Variants in SLC24A3 observed in about 807,000 individuals in gnomAD.
The protein encoded by SLC24A3 is solute carrier family 24 member 3, also known as sodium/potassium/calcium exchanger 3.
In SLC24A3, 28 loss-of-function variants were observed where a neutral mutation model predicts 75.8. That is an observed-to-expected ratio of 0.37 (90% confidence interval 0.27 to 0.51). The LOEUF (loss-of-function observed/expected upper bound fraction) is 0.51, where lower values mean the gene tolerates loss of function less well. Ranked by LOEUF, SLC24A3 falls within the 20% of genes least tolerant of loss-of-function variation. The probability of loss-of-function intolerance (pLI) is 0.94; values close to 1 mark genes in which losing one functional copy is unlikely to be tolerated. For missense variants in SLC24A3, 663 were observed against 847.8 expected, an observed-to-expected ratio of 0.78 and a Z score of 2.71; for synonymous variants, 372 against 334.1, an observed-to-expected ratio of 1.11 and a Z score of -1.24.
At chr20:19,469,325 G>T (rs1369621298) in intron 2 of SLC24A3, among the ~76,000 whole-genome samples, 1 of 152,162 alleles carries the variant, frequency 6.6e-6, no homozygotes, top group African/African-American at 2.4e-5. Context: ...CAGCAGTGGG[G>T]AGCTTTGATG....
chr20:19,323,919 CA>C (rs1413560109), intron 2 of SLC24A3, among the ~76,000 whole-genome samples: 2 of 152,096 alleles, frequency 1.3e-5, no homozygotes, highest in Non-Finnish European at 2.9e-5. Context: ...ATTAGCATTT[CA>C]AAAAAGTCTG....
At position 19,547,711 on chromosome 20, in the gene SLC24A3, T is replaced by G. The variant is rs139988679; in HGVS notation, c.348+32147T>G. Among the ~76,000 whole-genome samples, 246 of 152,264 alleles carry G rather than the reference T, an allele frequency of 1.6e-3. 5 individuals carry two copies. The East Asian group carries it at 0.042, about 26-fold the overall frequency. ...CCAAAAAAAACTGCCTCTCCCACCC[T>G]CCCCTTGCCCTGAGCCCAGCTCAGA... is the stretch of plus-strand genomic sequence containing the variant. On this transcript the variant is annotated intron_variant, in intron 3 of 16. Coordinates refer to ENST00000328041, the MANE Select transcript of SLC24A3 (RefSeq NM_020689.4).
chr20:19,505,606 C>T (rs1378923785), intron 2 of SLC24A3, among the ~76,000 whole-genome samples: 10 of 152,152 alleles, frequency 6.6e-5, no homozygotes, highest in Non-Finnish European at 1.5e-4. Flanking sequence ...ATGTTACCAC[C>T]GTGAGCAACC....
In SLC24A3 at chr20:19,261,476, A is replaced by T. The variant is rs140973813; in HGVS notation, c.143-19483A>T. On this transcript the variant is annotated intron_variant, in intron 1 of 16. Transcript: ENST00000328041. ...CACCTCAGCCTCATGAGTAGCTGGG[A>T]CTACAGGTGTGCATCACCACATTCA... 2.3e-3 allele frequency among the ~76,000 whole-genome samples: 342 copies of T among 151,908 alleles called. 2 individuals carry two copies. Among genetic ancestry groups the T allele is most frequent in the African/African-American group, 8.1e-3 (337 of 41,408 alleles).
intron 6 of SLC24A3, among the ~76,000 whole-genome samples, chr20:19,652,096 CT>C (rs1331966733): frequency 6.6e-6 from 1 of 152,134 alleles, no homozygotes; most frequent in Non-Finnish European, 1.5e-5. Flanking sequence ...TCAGGCCTAT[CT>C]TTATTCTAAC....
intron 2 of SLC24A3, among the ~76,000 whole-genome samples, chr20:19,454,291 A>G (rs1011948243): frequency 2.0e-5 from 3 of 152,240 alleles, no homozygotes; most frequent in African/African-American, 4.8e-5. Flanking sequence ...CCTCTGATCC[A>G]TAATAGATTT....
chr20:19,514,884 G>T (rs970206228), intron 2 of SLC24A3, among the ~76,000 whole-genome samples: 1 of 152,164 alleles, frequency 6.6e-6, no homozygotes, highest in African/African-American at 2.4e-5. Context: ...GGAGGGGGTT[G>T]TTCTAATAGC....
At chr20:19,290,505 A>G (rs943828230) in intron 2 of SLC24A3, among the ~76,000 whole-genome samples, 2 of 152,070 alleles carry the variant, frequency 1.3e-5, no homozygotes, top group African/African-American at 4.8e-5. Context: ...CACCCCTTCC[A>G]CCTTGTGAGG....
chr20:19,542,996 TTACATTAAGG>T (rs2030527762), intron 3 of SLC24A3, among the ~76,000 whole-genome samples: 1 of 152,178 alleles, frequency 6.6e-6, no homozygotes, highest in East Asian at 1.9e-4. Flanking sequence ...AAAGAAAGGG[TTACATTAAGG>T]TATGTGTTTA....
chr20:19,523,877 C>T (rs1190489989), intron 3 of SLC24A3, among the ~76,000 whole-genome samples: 1 of 152,074 alleles, frequency 6.6e-6, no homozygotes, highest in East Asian at 1.9e-4. Context: ...GCATGCCCAC[C>T]CAACTTTAAA....
At chr20:19,622,053 G>C (rs1234859008) in intron 6 of SLC24A3, among the ~76,000 whole-genome samples, 1 of 152,170 alleles carries the variant, frequency 6.6e-6, no homozygotes, top group Admixed American at 6.5e-5. Flanking sequence ...GGGAGTTTTT[G>C]TGCACTTGCA....
chr20:19,278,152 A>G (rs575217936), intron 1 of SLC24A3, among the ~76,000 whole-genome samples: 2 of 152,330 alleles, frequency 1.3e-5, no homozygotes, highest in South Asian at 2.1e-4. Flanking sequence ...CAGATTAGAA[A>G]TGCTGGGGGA....
intron 1 of SLC24A3, among the ~76,000 whole-genome samples, chr20:19,247,639 A>G (rs1442164606): frequency 6.6e-6 from 1 of 152,204 alleles, no homozygotes; most frequent in Admixed American, 6.5e-5. Context: ...TGCCTTAGGT[A>G]TAAATGCTCA....
At chr20:19,469,717 G>T (rs889394642) in intron 2 of SLC24A3, among the ~76,000 whole-genome samples, 1 of 152,146 alleles carries the variant, frequency 6.6e-6, no homozygotes, top group Admixed American at 6.5e-5. Context: ...ATCCATTCTC[G>T]TGCTAGTCTT....
At chr20:19,633,688 GATTA>G (rs1382575283) in intron 6 of SLC24A3, among the ~76,000 whole-genome samples, 2 of 150,850 alleles carry the variant, frequency 1.3e-5, no homozygotes, top group East Asian at 3.9e-4. Context: ...AGTAGTATTG[GATTA>G]GGGTCCACCT....
At chr20:19,623,862 C>G (rs1298778334) in intron 6 of SLC24A3, among the ~76,000 whole-genome samples, 1 of 152,132 alleles carries the variant, frequency 6.6e-6, no homozygotes, top group African/African-American at 2.4e-5. Context: ...AGTATGATAC[C>G]AGGTGGACTA....
chr20:19,357,866 G>C lies in SLC24A3; in HGVS notation c.271+76779G>C, dbSNP rs370607887. On this transcript the variant is annotated intron_variant, in intron 2 of 16. Transcript: ENST00000328041. The stretch of plus-strand genomic sequence containing the variant: ...CTGCTAGAGCACACTGGACTGGGAG[G>C]GGGTGTTGGCTCTTTCAAACCTTAA... Among the ~76,000 whole-genome samples, 25 of 152,350 alleles carry C rather than the reference G, an allele frequency of 1.6e-4. 1 individual carries two copies. In the East Asian group the frequency reaches 3.7e-3, roughly 22 times the overall value.
intron 6 of SLC24A3, among the ~76,000 whole-genome samples, chr20:19,640,886 G>T (rs955749248): frequency 1.3e-5 from 2 of 152,146 alleles, no homozygotes; most frequent in African/African-American, 2.4e-5. Context: ...CCTAAGATTG[G>T]AGATACAATT....
intron 1 of SLC24A3, among the ~76,000 whole-genome samples, chr20:19,270,673 G>A (rs1983299906): frequency 6.6e-6 from 1 of 152,170 alleles, no homozygotes; most frequent in Non-Finnish European, 1.5e-5. Context: ...CCAATTGGGA[G>A]TTAGGATTTC....
Sources: gnomAD v4.1 joint callset for allele counts (sites outside exome capture counted in the v4.1 genomes callset) on GRCh38, gnomAD v4.1.1 for gene constraint, MANE v1.5 for transcripts, NCBI Gene and HGNC (gene_info 2026-07-23, HGNC 2026-07-21) for gene names.